The following PSD3 variants were observed in gnomAD, a reference collection of about 807,000 sequenced individuals.
PSD3 encodes pleckstrin and Sec7 domain containing 3.
In PSD3, 49 loss-of-function variants were observed where a neutral mutation model predicts 105.5. The ratio of observed to expected loss-of-function variants is 0.46; its 90% CI spans 0.37 to 0.59. The LOEUF (loss-of-function observed/expected upper bound fraction) is 0.59, where lower values mean the gene tolerates loss of function less well. Among genes scored for constraint, PSD3 ranks in the 20% least tolerant of loss-of-function variants. PSD3 has a pLI of 0.00. For synonymous variants in PSD3, 557 were observed against 457.8 expected (o/e 1.22, Z -2.77); for missense variants, 1,561 against 1,263.8 (o/e 1.24, Z -3.57).
In PSD3 at chr8:18,861,629, T is replaced by G. The variant is rs375437171; in HGVS notation, c.1634+6045A>C. 2.8e-4 allele frequency among the ~76,000 whole-genome samples: 42 copies of G among 152,220 alleles called. No individual in the cohort carries two copies. The East Asian group carries it at 2.9e-3, about 10-fold the overall frequency. Reference sequence around the variant, plus strand: ...CATGCTTGAACTCTCACAATCATTTTGACTCAGCCCCATGTGTCCTAGAGT... The same window carrying G: ...CATGCTTGAACTCTCACAATCATTTGGACTCAGCCCCATGTGTCCTAGAGT... On this transcript the variant is annotated intron_variant, in intron 4 of 15. Transcript: ENST00000327040.
At chr8:18,696,052 C>G (rs1801240919) in intron 9 of PSD3, among the ~76,000 whole-genome samples, 1 of 152,142 alleles carries the variant, frequency 6.6e-6, no homozygotes, top group Non-Finnish European at 1.5e-5. Context: ...CTGAGAATTG[C>G]CCTGAGATGA....
At chr8:18,606,531 T>C (rs1804845354) in intron 11 of PSD3, among the ~76,000 whole-genome samples, 1 of 152,180 alleles carries the variant, frequency 6.6e-6, no homozygotes, top group Admixed American at 6.5e-5. Flanking sequence ...GCCATCACAT[T>C]GCAAAAAATA....
chr8:18,878,682 C>G (rs1245133602), intron 2 of PSD3, among the ~76,000 whole-genome samples: 2 of 152,116 alleles, frequency 1.3e-5, no homozygotes, highest in Non-Finnish European at 2.9e-5. Flanking sequence ...AACCAAATCC[C>G]CTGTCCTTAA....
chr8:18,610,713 G>A (rs1408830093), intron 11 of PSD3, among the ~76,000 whole-genome samples: 2 of 152,190 alleles, frequency 1.3e-5, no homozygotes, highest in African/African-American at 4.8e-5. Context: ...AAAACAAAGA[G>A]AGAATTGGAA....
At chr8:18,720,552 A>G (rs1340562388) in intron 9 of PSD3, among the ~76,000 whole-genome samples, 2 of 152,196 alleles carry the variant, frequency 1.3e-5, no homozygotes. Context: ...GAAGATCTTG[A>G]GTGGGACATA....
At chr8:18,784,814 C>G (rs1180245533) in intron 8 of PSD3, among the ~76,000 whole-genome samples, 1 of 152,138 alleles carries the variant, frequency 6.6e-6, no homozygotes, top group Non-Finnish European at 1.5e-5. Flanking sequence ...ACTTGCCAAC[C>G]TCAAAGCTCT....
intron 6 of PSD3, among the ~76,000 whole-genome samples, chr8:18,801,865 G>A (rs998942652): frequency 5.3e-5 from 8 of 152,032 alleles, no homozygotes; most frequent in Non-Finnish European, 1.0e-4. Flanking sequence ...AGATGACAGG[G>A]TGATAACAGA....
chr8:18,707,465 G>C (rs1801970905), intron 9 of PSD3, among the ~76,000 whole-genome samples: 1 of 152,198 alleles, frequency 6.6e-6, no homozygotes, highest in Admixed American at 6.5e-5. Context: ...TTGGAGGATT[G>C]GGATTTACAG....
chr8:18,674,613 G>A (rs910858269), intron 9 of PSD3, among the ~76,000 whole-genome samples: 3 of 152,184 alleles, frequency 2.0e-5, no homozygotes, highest in African/African-American at 4.8e-5. Context: ...ACAGCAGGGG[G>A]TGGATGGGGC....
At chr8:18,653,507 T>C (rs1455162349) in intron 10 of PSD3, among the ~76,000 whole-genome samples, 1 of 152,192 alleles carries the variant, frequency 6.6e-6, no homozygotes, top group East Asian at 1.9e-4. Context: ...TGCTCAGTCT[T>C]GCAAAAGAGG....
intron 11 of PSD3, among the ~76,000 whole-genome samples, chr8:18,610,843 A>C (rs1805211509): frequency 6.6e-6 from 1 of 152,198 alleles, no homozygotes; most frequent in Non-Finnish European, 1.5e-5. Flanking sequence ...AAAGTATCAT[A>C]AACTGGGAGC....
intron 1 of PSD3, among the ~76,000 whole-genome samples, chr8:18,965,834 G>A (rs1326247596): frequency 2.0e-5 from 3 of 152,186 alleles, no homozygotes; most frequent in East Asian, 1.9e-4. Context: ...AGCAACACGT[G>A]AACAAAATAA....
chr8:18,800,528 A>G (rs1297453504), intron 7 of PSD3, among the ~76,000 whole-genome samples: 1 of 152,202 alleles, frequency 6.6e-6, no homozygotes, highest in Non-Finnish European at 1.5e-5. Flanking sequence ...AGTTTATGAA[A>G]CATTTTCCAG....
At chr8:18,759,032 C>T (rs1245921014) in intron 9 of PSD3, among the ~76,000 whole-genome samples, 1 of 150,624 alleles carries the variant, frequency 6.6e-6, no homozygotes, top group East Asian at 2.0e-4. Flanking sequence ...ATAAATCCTG[C>T]TAGGCCAAGC....
intron 9 of PSD3, among the ~76,000 whole-genome samples, chr8:18,690,613 G>A (rs1800920639): frequency 6.6e-6 from 1 of 152,170 alleles, no homozygotes. Context: ...TCCACTGCCT[G>A]ACATCTGAGC....
intron 12 of PSD3, among the ~76,000 whole-genome samples, chr8:18,589,035 G>T (rs1203578762): frequency 6.6e-6 from 1 of 152,132 alleles, no homozygotes; most frequent in African/African-American, 2.4e-5. Flanking sequence ...CAAGAGAGTG[G>T]AATTTATGCT....
At chr8:18,851,905 T>C (rs992027780) in intron 4 of PSD3, among the ~76,000 whole-genome samples, 1 of 152,266 alleles carries the variant, frequency 6.6e-6, no homozygotes, top group African/African-American at 2.4e-5. Context: ...TTTCATAATA[T>C]CTTTGAAAAC....
At position 18,594,246 on chromosome 8, in the gene PSD3, ATATATTATATAATATATATTATT is replaced by A. The variant is rs1354872929; in HGVS notation, c.2481+6095_2481+6117del. Among the ~76,000 whole-genome samples the A allele has an allele frequency of 4.3e-3, 28 of 6,456 alleles. 5 individuals carry two copies. The highest frequency in any genetic ancestry group is 9.4e-3 in the South Asian group (1 of 106). The allele number at this position is 6,456 out of a possible 152,430, so 4.2% of individuals were successfully genotyped here. On this transcript the variant is annotated intron_variant, in intron 12 of 15. Transcript: ENST00000327040. ...TATATTATATAATATATATTATTAT[ATATATTATATAATATATATTATT>A]ATATATATTATATAATATATATTAT...
intron 2 of PSD3, among the ~76,000 whole-genome samples, chr8:18,914,880 A>T (rs1164948402): frequency 6.6e-6 from 1 of 152,186 alleles, no homozygotes; most frequent in Non-Finnish European, 1.5e-5. Context: ...GAACCAAAAC[A>T]GACCCCAAAT....
Sources: allele counts gnomAD v4.1 joint callset (sites outside exome capture counted in the v4.1 genomes callset), GRCh38; gene constraint gnomAD v4.1.1; transcripts MANE v1.5; gene names NCBI Gene and HGNC (gene_info 2026-07-23, HGNC 2026-07-21).